Variants in CDH19 observed in about 807,000 individuals in gnomAD.
The protein encoded by CDH19 is cadherin-19.
Under a neutral mutation model 64.2 loss-of-function variants are expected in CDH19, and 67 were observed. The ratio of observed to expected loss-of-function variants is 1.04; its 90% CI spans 0.86 to 1.28. CDH19 has a LOEUF of 1.28. Ranked by LOEUF, CDH19 falls within the 50% of genes most tolerant of loss-of-function variation. The pLI is 0.00. For missense variants in CDH19, 1,030 were observed against 929.0 expected (o/e 1.11, Z -1.41); for synonymous variants, 346 against 319.3 (o/e 1.08, Z -0.89).
At chr18:66,529,786 T>A (rs950940149) in intron 9 of CDH19, 59 bp downstream of exon 9, 2 of 1,040,894 alleles carry the variant, frequency 1.9e-6, no homozygotes, top group Non-Finnish European at 2.6e-6. Flanking sequence ...ATGAAGAAAT[T>A]TCATATTATG....
At chr18:66,534,864 A>G in intron 8 of CDH19, 122 bp downstream of exon 8, 2 of 595,212 alleles carry the variant, frequency 3.4e-6, no homozygotes, top group Non-Finnish European at 5.4e-6. Flanking sequence ...ACACATTTAC[A>G]TTGAATGTCA....
intron 3 of CDH19, among the ~76,000 whole-genome samples, chr18:66,562,479 G>A (rs540319669): frequency 1.2e-4 from 19 of 152,044 alleles, no homozygotes; most frequent in African/African-American, 3.1e-4. Flanking sequence ...CATGAGGAGC[G>A]GCTGTAAATA....
At chr18:66,589,835 T>C (rs975799984) in intron 1 of CDH19, among the ~76,000 whole-genome samples, 3 of 151,896 alleles carry the variant, frequency 2.0e-5, no homozygotes, top group Admixed American at 6.6e-5. Flanking sequence ...TATAATTATA[T>C]CACAGAACCA....
rs1568168060 is a variant in CDH19, at chr18:66,505,289, CA to C, written c.1841del (p.Leu614Ter). 6 of 1,553,546 alleles carry C rather than the reference CA, an allele frequency of 3.9e-6. No homozygotes were observed. The highest frequency in any genetic ancestry group is 4.2e-5 in the Admixed American group (2 of 47,184). ...TTCTCCGTTGTTTTAAACCCAAAGTCAAAAAAATAAACCCTGATGAAGAAAG... is the reference window on the plus strand; with the variant it reads ...TTCTCCGTTGTTTTAAACCCAAAGTCAAAAAATAAACCCTGATGAAGAAAG... Reference protein sequence around the residue: ...CIMIIFGFIFLTLGLKQRRKQ... With the variant: ...CIMIIFGFIFXTLGLKQRRKQ... On this transcript the variant is annotated frameshift_variant, in exon 12 of 12. Coordinates refer to ENST00000262150, the MANE Select transcript of CDH19 (RefSeq NM_021153.4). LOFTEE classifies it low-confidence loss of function (END_TRUNC).
chr18:66,543,205 T>G (rs1986959773), intron 7 of CDH19, among the ~76,000 whole-genome samples: 1 of 151,994 alleles, frequency 6.6e-6, no homozygotes, highest in African/African-American at 2.4e-5. Flanking sequence ...TTGTTTTGTA[T>G]TTTTAGTAGA....
chr18:66,548,999 C>CA (rs751124580), intron 5 of CDH19, among the ~76,000 whole-genome samples: 8 of 151,924 alleles, frequency 5.3e-5, no homozygotes, highest in Non-Finnish European at 1.0e-4. Context: ...GTGTTGCCCA[C>CA]AACAGAGGGT....
intron 2 of CDH19, among the ~76,000 whole-genome samples, chr18:66,570,196 ATAT>A (rs932307474): frequency 2.6e-5 from 4 of 151,596 alleles, no homozygotes; most frequent in Non-Finnish European, 3.0e-5. Flanking sequence ...AATTTATTTG[ATAT>A]TATAATGAAG....
At chr18:66,593,273 C>T (rs1988794187) in intron 1 of CDH19, among the ~76,000 whole-genome samples, 1 of 151,808 alleles carries the variant, frequency 6.6e-6, no homozygotes, top group African/African-American at 2.4e-5. Flanking sequence ...AATAATGTTT[C>T]TGGAGTGTTA....
intron 7 of CDH19, among the ~76,000 whole-genome samples, 173 bp downstream of exon 7, chr18:66,543,798 G>A (rs1290796718): frequency 1.3e-5 from 2 of 152,008 alleles, no homozygotes; most frequent in African/African-American, 4.8e-5. Context: ...CAGAAGACTC[G>A]CTTGAACCTG....
chr18:66,583,819 A>G (rs1988494459), intron 1 of CDH19, among the ~76,000 whole-genome samples: 2 of 152,062 alleles, frequency 1.3e-5, no homozygotes. Context: ...TTGAAACTGG[A>G]CCCTTTCCTT....
At chr18:66,542,991 G>T (rs986411631) in intron 7 of CDH19, among the ~76,000 whole-genome samples, 11 of 152,108 alleles carry the variant, frequency 7.2e-5, no homozygotes, top group African/African-American at 2.7e-4. Flanking sequence ...CTCAATTTTT[G>T]AATATCATTT....
chr18:66,562,341 A>C (rs141405829), intron 3 of CDH19, among the ~76,000 whole-genome samples: 37 of 151,910 alleles, frequency 2.4e-4, no homozygotes, highest in African/African-American at 8.0e-4. Flanking sequence ...ATTAAGCATT[A>C]GATTTTCATA....
intron 1 of CDH19, among the ~76,000 whole-genome samples, chr18:66,588,613 T>TATATAA: frequency 1.5e-5 from 2 of 130,492 alleles, no homozygotes; most frequent in Non-Finnish European, 3.6e-5. Context: ...ATCATATATA[T>TATATAA]CTATATCTAT....
At chr18:66,545,401 CTTCCTTCCTTCCTTCT>C (rs1238221959) in intron 5 of CDH19, among the ~76,000 whole-genome samples, 1 of 120,272 alleles carries the variant, frequency 8.3e-6, no homozygotes, top group Non-Finnish European at 1.6e-5. Flanking sequence ...TCTTTCTTTC[CTTCCTTCCTTCCTTCT>C]TTCCTTCCTT....
intron 3 of CDH19, among the ~76,000 whole-genome samples, chr18:66,558,122 C>T (rs970535655): frequency 7.4e-5 from 11 of 149,322 alleles, no homozygotes; most frequent in South Asian, 2.1e-4. Flanking sequence ...CCAGCCTGGG[C>T]GACAGACATG....
chr18:66,563,132 C>A lies in CDH19; in HGVS notation c.490+5284G>T, dbSNP rs1308209543. Among the ~76,000 whole-genome samples, 5 of 152,048 alleles carry A rather than the reference C, an allele frequency of 3.3e-5. No homozygotes were observed. The East Asian group carries it at 9.7e-4, about 29-fold the overall frequency. On this transcript the variant is annotated intron_variant, in intron 3 of 11. Transcript: ENST00000262150. ...AAAGTGAAAAATTTTCCTATGCAGA[C>A]TAATTTAGATATTATGTAAGCAATA...
chr18:66,568,943 G>T (rs1988012128), intron 2 of CDH19, among the ~76,000 whole-genome samples: 1 of 151,502 alleles, frequency 6.6e-6, no homozygotes, highest in Non-Finnish European at 1.5e-5. Context: ...ATTCTAAACA[G>T]AAACAAAAAT....
At chr18:66,595,532 A>G (rs1599045477) in intron 1 of CDH19, among the ~76,000 whole-genome samples, 1 of 135,776 alleles carries the variant, frequency 7.4e-6, no homozygotes, top group Non-Finnish European at 1.7e-5. Context: ...AAAAAAAAAA[A>G]AACCTGAGAG....
intron 2 of CDH19, among the ~76,000 whole-genome samples, chr18:66,569,275 A>T (rs957245023): frequency 6.6e-6 from 1 of 151,720 alleles, no homozygotes; most frequent in Admixed American, 6.6e-5. Context: ...AGTAATTCTC[A>T]TATCAATATT....
Sources: gnomAD v4.1 joint callset for allele counts (sites outside exome capture counted in the v4.1 genomes callset) on GRCh38, gnomAD v4.1.1 for gene constraint, MANE v1.5 for transcripts, NCBI Gene and HGNC (gene_info 2026-07-23, HGNC 2026-07-21) for gene names.